ENOX1: variants seen among roughly 807,000 people sequenced by gnomAD.
ENOX1 encodes the protein ecto-NOX disulfide-thiol exchanger 1.
In ENOX1, 42 loss-of-function variants were observed where a neutral mutation model predicts 82.5. The observed-to-expected ratio is 0.51, with a 90% CI of 0.40 to 0.66. The LOEUF is 0.66. Among genes scored for constraint, ENOX1 ranks in the 30% least tolerant of loss-of-function variants. The pLI is 0.00. For synonymous variants in ENOX1, 271 were observed against 282.2 expected, an observed-to-expected ratio of 0.96 and a Z score of 0.40; for missense variants, 608 against 811.6, an observed-to-expected ratio of 0.75 and a Z score of 3.05.
intron 2 of ENOX1, chr13:43,547,791 T>G (rs1162639144): frequency 2.0e-5 from 3 of 152,188 alleles, no homozygotes; most frequent in African/African-American, 4.8e-5. Flanking sequence ...AAAAAAGACA[T>G]GACCTCTTGA....
intron 2 of ENOX1, among the ~76,000 whole-genome samples, chr13:43,539,865 C>T (rs1177261173): frequency 6.6e-6 from 1 of 152,040 alleles, no homozygotes. Flanking sequence ...ATTATTTTAA[C>T]TTCCAGGTGT....
intron 12 of ENOX1, among the ~76,000 whole-genome samples, chr13:43,297,722 T>C (rs73176338): frequency 0.087 from 13,171 of 152,260 alleles, 675 homozygotes; most frequent in Middle Eastern, 0.14. Context: ...ACAATTGCCA[T>C]AAATATACAT....
rs553504525 is a variant in ENOX1, at chr13:43,541,173, G to GTTTTTTTT, written c.-218-57029_-218-57022dup. Among the ~76,000 whole-genome samples the GTTTTTTTT allele has an allele frequency of 1.7e-4, 11 of 64,580 alleles. 2 individuals are homozygous for GTTTTTTTT. The highest frequency in any genetic ancestry group is 4.0e-4 in the African/African-American group (8 of 20,122). The allele number at this position is 64,580 out of a possible 152,430, so 42.4% of individuals were successfully genotyped here. ...CTCCAACCTTACACTTCTTCCCTCT[G>GTTTTTTTT]TTTTTTTTTTTTTTTTTTTTTTTTT... On this transcript the variant is annotated intron_variant, in intron 2 of 16. Coordinates refer to ENST00000690772, the MANE Select transcript of ENOX1 (RefSeq NM_001347969.2).
At chr13:43,238,263 C>A (rs992350712) in intron 14 of ENOX1, among the ~76,000 whole-genome samples, 5 of 152,122 alleles carry the variant, frequency 3.3e-5, no homozygotes, top group Non-Finnish European at 5.9e-5. Context: ...ATCTTGGGAG[C>A]AAGCCTCAAT....
intron 8 of ENOX1, among the ~76,000 whole-genome samples, chr13:43,352,639 T>A (rs1252658030): frequency 1.3e-5 from 2 of 152,216 alleles, no homozygotes; most frequent in African/African-American, 4.8e-5. Context: ...TTGAATTGTC[T>A]CGGAACAATG....
chr13:43,710,536 G>A (rs576502976), intron 1 of ENOX1, among the ~76,000 whole-genome samples: 45 of 152,186 alleles, frequency 3.0e-4, no homozygotes, highest in South Asian at 8.3e-4. Flanking sequence ...AATACTACCT[G>A]CTATCACTAC....
At chr13:43,525,208 G>A (rs2077936257) in intron 2 of ENOX1, among the ~76,000 whole-genome samples, 3 of 151,934 alleles carry the variant, frequency 2.0e-5, no homozygotes, top group South Asian at 4.2e-4. Context: ...ATCCATCCAC[G>A]GAACTCTCTT....
At chr13:43,407,880 A>C (rs1413890072) in intron 5 of ENOX1, among the ~76,000 whole-genome samples, 1 of 152,192 alleles carries the variant, frequency 6.6e-6, no homozygotes, top group Non-Finnish European at 1.5e-5. Context: ...CAACAAAAAA[A>C]CTTCACAAAA....
At chr13:43,748,535 T>A (rs1316180149) in intron 1 of ENOX1, among the ~76,000 whole-genome samples, 1 of 152,174 alleles carries the variant, frequency 6.6e-6, no homozygotes, top group Non-Finnish European at 1.5e-5. Flanking sequence ...GTTAAAAACA[T>A]AAGTATTTCT....
At chr13:43,356,513 C>A (rs943451944) in intron 7 of ENOX1, among the ~76,000 whole-genome samples, 5 of 152,106 alleles carry the variant, frequency 3.3e-5, no homozygotes, top group African/African-American at 1.2e-4. Context: ...TGGCATGGAG[C>A]ATTTTTTTTC....
chr13:43,298,958 A>T (rs2046422991), intron 11 of ENOX1, among the ~76,000 whole-genome samples: 1 of 152,222 alleles, frequency 6.6e-6, no homozygotes. Flanking sequence ...TCAAATAATC[A>T]GCAGTTCCAC....
chr13:43,260,650 A>C (rs1317308494), intron 14 of ENOX1, among the ~76,000 whole-genome samples: 3 of 152,260 alleles, frequency 2.0e-5, no homozygotes, highest in Non-Finnish European at 4.4e-5. Flanking sequence ...TCATCAAAAA[A>C]GATGCAAGAT....
intron 14 of ENOX1, among the ~76,000 whole-genome samples, chr13:43,240,937 C>G (rs2042794271): frequency 6.6e-6 from 1 of 152,192 alleles, no homozygotes; most frequent in Admixed American, 6.5e-5. Context: ...TATCTTGTAA[C>G]ACAAACCACT....
At chr13:43,228,200 G>C (rs1356267965) in intron 15 of ENOX1, among the ~76,000 whole-genome samples, 1 of 149,188 alleles carries the variant, frequency 6.7e-6, no homozygotes, top group East Asian at 2.0e-4. Flanking sequence ...CACAAACCTG[G>C]AATATGGAGA....
intron 2 of ENOX1, among the ~76,000 whole-genome samples, chr13:43,602,348 C>A (rs1211153490): frequency 1.3e-5 from 2 of 151,928 alleles, no homozygotes; most frequent in Non-Finnish European, 2.9e-5. Context: ...TATAAACAGG[C>A]AACTCACTGA....
intron 1 of ENOX1, among the ~76,000 whole-genome samples, chr13:43,698,868 T>C (rs2086774062): frequency 1.3e-5 from 2 of 152,144 alleles, no homozygotes; most frequent in African/African-American, 2.4e-5. Context: ...GTTTTAACCT[T>C]TTGCGGAAAA....
chr13:43,367,589 C>G (rs1196359244), intron 5 of ENOX1, among the ~76,000 whole-genome samples: 1 of 152,152 alleles, frequency 6.6e-6, no homozygotes, highest in East Asian at 1.9e-4. Context: ...TTCCCTGGAT[C>G]CTTCAGTGAG....
At chr13:43,404,069 AG>A (rs752134720) in intron 5 of ENOX1, among the ~76,000 whole-genome samples, 10 of 152,092 alleles carry the variant, frequency 6.6e-5, no homozygotes, top group Non-Finnish European at 1.3e-4. Flanking sequence ...GCAGCCTTCT[AG>A]ATACAAACCC....
At chr13:43,298,049 T>C (rs370069486) in intron 12 of ENOX1, among the ~76,000 whole-genome samples, 2 of 152,266 alleles carry the variant, frequency 1.3e-5, no homozygotes, top group South Asian at 4.1e-4. Flanking sequence ...AGGGATCTGC[T>C]AGGTATTTGC....
Sources: allele counts gnomAD v4.1 joint callset (sites outside exome capture counted in the v4.1 genomes callset), GRCh38; gene constraint gnomAD v4.1.1; transcripts MANE v1.5; gene names NCBI Gene and HGNC (gene_info 2026-07-23, HGNC 2026-07-21).